Variants in GABBR2 observed in about 807,000 individuals in gnomAD.
GABBR2 encodes gamma-aminobutyric acid type B receptor subunit 2.
In GABBR2, 23 loss-of-function variants were observed where a neutral mutation model predicts 105.6. The observed-to-expected ratio is 0.22, with a 90% CI of 0.16 to 0.31. The LOEUF is 0.31. Among genes scored for constraint, GABBR2 ranks in the 10% least tolerant of loss-of-function variants. The pLI is 1.00. For synonymous variants in GABBR2, 478 were observed against 499.7 expected (o/e 0.96, Z 0.58); for missense variants, 734 against 1,245.5 (o/e 0.59, Z 6.18).
rs1027410024 is a variant in GABBR2, at chr9:98,581,600, A to G, written c.322-3528T>C. On this transcript the variant is annotated intron_variant, in intron 1 of 18. Transcript: ENST00000259455. ...TAATTATCCCTGTTCCTTGATTGAA[A>G]GCAACACTTCTCACCCCCAACAGAG... 2.6e-5 allele frequency among the ~76,000 whole-genome samples: 4 copies of G among 152,052 alleles called. No individual in the cohort carries two copies. In the South Asian group the frequency reaches 8.3e-4, roughly 32 times the overall value.
rs548075738 is a variant in GABBR2 at position 98,396,317 on chromosome 9, G to C, written c.1298-2062C>G. On this transcript the variant is annotated intron_variant, in intron 8 of 18. Coordinates refer to ENST00000259455, the MANE Select transcript of GABBR2 (RefSeq NM_005458.8). The stretch of plus-strand genomic sequence containing the variant: ...CTGGAGTTTATATAGGAATTCCAAG[G>C]CACACCCTGAGGAAGTGCCTCCTGG... 2.0e-5 allele frequency among the ~76,000 whole-genome samples: 3 copies of C among 152,360 alleles called. No individual in the cohort carries two copies. In the East Asian group the frequency reaches 5.8e-4, roughly 29 times the overall value.
intron 1 of GABBR2, among the ~76,000 whole-genome samples, chr9:98,595,531 T>C (rs1829222493): frequency 1.6e-5 from 1 of 63,290 alleles, no homozygotes; most frequent in African/African-American, 7.8e-5. Context: ...TGCTGAGTCT[T>C]GATGCTTAAG....
chr9:98,626,063 A>C (rs1829732414), intron 1 of GABBR2, among the ~76,000 whole-genome samples: 1 of 152,230 alleles, frequency 6.6e-6, no homozygotes, highest in Non-Finnish European at 1.5e-5. Flanking sequence ...GAGAAGAAGC[A>C]CTGCAGCCGT....
chr9:98,325,705 C>CA (rs1830910549), intron 13 of GABBR2, among the ~76,000 whole-genome samples: 1 of 152,178 alleles, frequency 6.6e-6, no homozygotes, highest in South Asian at 2.1e-4. Context: ...GCCTAGCACC[C>CA]TGTTCACCTG....
chr9:98,621,919 A>G (rs1235958852), intron 1 of GABBR2, among the ~76,000 whole-genome samples: 1 of 152,136 alleles, frequency 6.6e-6, no homozygotes, highest in Non-Finnish European at 1.5e-5. Flanking sequence ...ATGGGCTTGC[A>G]TGAAAAATGC....
chr9:98,671,403 TG>T (rs1830405775), intron 1 of GABBR2, among the ~76,000 whole-genome samples: 2 of 152,258 alleles, frequency 1.3e-5, no homozygotes, highest in South Asian at 4.1e-4. Context: ...CGTCAGTTGA[TG>T]GACATTTAGA....
intron 7 of GABBR2, among the ~76,000 whole-genome samples, chr9:98,422,969 C>G (rs558700706): frequency 3.7e-4 from 56 of 152,236 alleles, no homozygotes; most frequent in African/African-American, 1.2e-3. Flanking sequence ...GCACAGTATT[C>G]CATGGTGTAT....
chr9:98,643,427 A>C (rs1172918748), intron 1 of GABBR2, among the ~76,000 whole-genome samples: 1 of 152,244 alleles, frequency 6.6e-6, no homozygotes, highest in Non-Finnish European at 1.5e-5. Flanking sequence ...CCAGTTGCAT[A>C]GTGGACATTC....
chr9:98,593,914 A>C (rs1051752911), intron 1 of GABBR2, among the ~76,000 whole-genome samples: 1 of 152,114 alleles, frequency 6.6e-6, no homozygotes, highest in African/African-American at 2.4e-5. Context: ...CCCCCACCTG[A>C]CAGATGAGAG....
intron 1 of GABBR2, among the ~76,000 whole-genome samples, chr9:98,599,406 T>C (rs1829286024): frequency 6.6e-6 from 1 of 152,206 alleles, no homozygotes; most frequent in South Asian, 2.1e-4. Context: ...CCTCACTCCA[T>C]CACCTTGGGT....
intron 7 of GABBR2, among the ~76,000 whole-genome samples, chr9:98,430,392 T>C (rs2131571720): frequency 6.6e-6 from 1 of 152,312 alleles, no homozygotes; most frequent in African/African-American, 2.4e-5. Context: ...GTCTTGCTTT[T>C]AAGCTTTTTT....
intron 1 of GABBR2, among the ~76,000 whole-genome samples, chr9:98,615,415 T>C (rs1312064334): frequency 2.0e-5 from 3 of 152,226 alleles, no homozygotes. Context: ...AAAGCGTATA[T>C]CATTAAGTGC....
chr9:98,435,957 A>C (rs1477487309), intron 7 of GABBR2, among the ~76,000 whole-genome samples: 2 of 151,824 alleles, frequency 1.3e-5, no homozygotes, highest in Non-Finnish European at 2.9e-5. Context: ...TTTATATTTA[A>C]ATGGTTATTC....
intron 1 of GABBR2, among the ~76,000 whole-genome samples, chr9:98,634,131 C>G (rs1164651588): frequency 1.3e-5 from 2 of 152,162 alleles, no homozygotes; most frequent in Non-Finnish European, 2.9e-5. Flanking sequence ...TATAGGAGTG[C>G]CTATTAGGTG....
chr9:98,552,583 G>C (rs980569093), intron 2 of GABBR2, among the ~76,000 whole-genome samples: 37 of 152,210 alleles, frequency 2.4e-4, no homozygotes, highest in African/African-American at 8.4e-4. Flanking sequence ...CCTCAACATA[G>C]ATGCCGGTGA....
chr9:98,636,132 T>A (rs1224214776), intron 1 of GABBR2, among the ~76,000 whole-genome samples: 1 of 152,114 alleles, frequency 6.6e-6, no homozygotes, highest in Admixed American at 6.5e-5. Flanking sequence ...ACATATTAGG[T>A]CATGCCAGAA....
At chr9:98,385,468 G>A (rs973392858) in intron 11 of GABBR2, among the ~76,000 whole-genome samples, 172 bp downstream of exon 11, 2 of 152,006 alleles carry the variant, frequency 1.3e-5, no homozygotes, top group African/African-American at 4.8e-5. Flanking sequence ...ACCCAGTGAT[G>A]GCCTGACAGT....
At position 98,565,440 on chromosome 9, in the gene GABBR2, C is replaced by T. The variant is rs927416984; in HGVS notation, c.459+12495G>A. 7.9e-5 allele frequency among the ~76,000 whole-genome samples: 12 copies of T among 152,170 alleles called. No individual in the cohort carries two copies. The East Asian group carries it at 2.3e-3, about 29-fold the overall frequency. On this transcript the variant is annotated intron_variant, in intron 2 of 18. Transcript: ENST00000259455. ...TAAGGCAGGCACTGATGGCTCTGAG[C>T]CACAGGTCATAATGACACAACATTA...
chr9:98,406,268 T>C, intron 7 of GABBR2, 127 bp from the exon 8 acceptor site: 1 of 563,780 alleles, frequency 1.8e-6, no homozygotes, highest in Non-Finnish European at 3.1e-6. Flanking sequence ...GAAAAACAGA[T>C]TCCCGCTGGA....
Sources: gnomAD v4.1 joint callset for allele counts (sites outside exome capture counted in the v4.1 genomes callset) on GRCh38, gnomAD v4.1.1 for gene constraint, MANE v1.5 for transcripts, NCBI Gene and HGNC (gene_info 2026-07-23, HGNC 2026-07-21) for gene names.